Variants in RPN2 observed in about 807,000 individuals in gnomAD.
The protein encoded by RPN2 is ribophorin II.
A neutral mutation model predicts 71.4 loss-of-function variants in RPN2; 29 were observed. The ratio of observed to expected loss-of-function variants is 0.41; its 90% confidence interval spans 0.30 to 0.55. RPN2 has a LOEUF of 0.55. Among genes scored for constraint, RPN2 ranks in the 20% least tolerant of loss-of-function variants. RPN2 has a pLI of 0.35. For missense variants in RPN2, 726 were observed against 774.1 expected (o/e 0.94, Z 0.74); for synonymous variants, 308 against 305.0 (o/e 1.01, Z -0.10).
At chr20:37,206,079 G>A (rs2067503983) in intron 6 of RPN2, among the ~76,000 whole-genome samples, 1 of 152,138 alleles carries the variant, frequency 6.6e-6, no homozygotes, top group South Asian at 2.1e-4. Context: ...GAATAACACT[G>A]TCAGGAACAA....
chr20:37,209,994 T>C, intron 7 of RPN2, 53 bp from the exon 8 acceptor site: 1 of 1,605,646 alleles, frequency 6.2e-7, no homozygotes, highest in Non-Finnish European at 8.5e-7. Context: ...AGAAACAAAA[T>C]TCTCTGCTCC....
intron 15 of RPN2, 28 bp downstream of exon 15, chr20:37,234,123 G>A (rs1569000530): frequency 1.9e-6 from 3 of 1,610,954 alleles, no homozygotes; most frequent in South Asian, 2.2e-5. Context: ...CTAATTACCT[G>A]TAACGTCCTC....
At chr20:37,194,553 C>T (rs760428944) in intron 2 of RPN2, among the ~76,000 whole-genome samples, 4 of 152,248 alleles carry the variant, frequency 2.6e-5, no homozygotes, top group Non-Finnish European at 4.4e-5. Context: ...TGAGCCATCA[C>T]GCCCAGCCAG....
intron 11 of RPN2, among the ~76,000 whole-genome samples, chr20:37,227,820 T>C (rs2068117226): frequency 1.3e-5 from 2 of 152,244 alleles, no homozygotes; most frequent in Admixed American, 6.5e-5. Flanking sequence ...GTGATTAGAC[T>C]CAGTACCATC....
chr20:37,235,494 C>T (rs530683568), intron 15 of RPN2, among the ~76,000 whole-genome samples: 1 of 152,130 alleles, frequency 6.6e-6, no homozygotes, highest in Admixed American at 6.5e-5. Context: ...GGCCCCAGGG[C>T]TCTCCGTTCC....
chr20:37,186,860 C>T (rs1038265130), intron 2 of RPN2, among the ~76,000 whole-genome samples: 1 of 152,102 alleles, frequency 6.6e-6, no homozygotes, highest in Admixed American at 6.5e-5. Context: ...CACATTCTGC[C>T]TTTGATTAAT....
Position 37,184,161 on chromosome 20 carries a change from A to G in RPN2, c.14-19A>G. Reference sequence around the variant, plus strand: ...CTTGGAAGAGTGTAGAGTGTACTGAATGGTTGTTTCCCCCCAAGGTTCAAG... The same window carrying G: ...CTTGGAAGAGTGTAGAGTGTACTGAGTGGTTGTTTCCCCCCAAGGTTCAAG... On this transcript the variant is annotated intron_variant, in intron 1 of 16. Transcript: ENST00000237530. The G allele has an allele frequency of 1.2e-6, 2 of 1,613,990 alleles. No homozygotes were observed. The highest frequency in any genetic ancestry group is 2.2e-5 in the East Asian group (1 of 44,862).
intron 13 of RPN2, 26 bp downstream of exon 13, chr20:37,230,085 A>C (rs1304187184): frequency 5.1e-6 from 8 of 1,560,570 alleles, no homozygotes; most frequent in African/African-American, 2.7e-5. Context: ...CCTATCCACT[A>C]AACGTGGGAG....
chr20:37,210,697 A>G (rs1271302150), intron 8 of RPN2, among the ~76,000 whole-genome samples: 1 of 151,662 alleles, frequency 6.6e-6, no homozygotes, highest in Non-Finnish European at 1.5e-5. Flanking sequence ...CGTCCGGCTA[A>G]TTTTTTGTAT....
intron 2 of RPN2, among the ~76,000 whole-genome samples, chr20:37,185,463 T>G: frequency 6.6e-6 from 1 of 152,060 alleles, no homozygotes; most frequent in East Asian, 1.9e-4. Flanking sequence ...AATTTACATT[T>G]TATTCATTAT....
intron 2 of RPN2, among the ~76,000 whole-genome samples, chr20:37,194,677 T>C (rs2067216436): frequency 1.3e-5 from 2 of 152,252 alleles, no homozygotes; most frequent in South Asian, 4.1e-4. Context: ...GCCTGGAGGC[T>C]TCCAAGTGCT....
intron 12 of RPN2, among the ~76,000 whole-genome samples, chr20:37,229,339 C>T (rs567163300): frequency 2.0e-5 from 3 of 152,230 alleles, no homozygotes; most frequent in South Asian, 2.1e-4. Flanking sequence ...TTTATCAGAT[C>T]TGGGGCTGTG....
rs772202828 is a variant in RPN2 at position 37,198,501 on chromosome 20, G to A, written c.303+9G>A. The A allele has an allele frequency of 2.2e-5, 36 of 1,613,974 alleles. No homozygotes were observed. Among genetic ancestry groups the A allele is most frequent in the Admixed American group, 6.7e-5 (4 of 59,946 alleles). ...CCCTCTCAGGATGTGAGGTGAGTCCGGGTTCCTACGCTGACAATGACTTTA... is the reference window on the plus strand; with the variant it reads ...CCCTCTCAGGATGTGAGGTGAGTCCAGGTTCCTACGCTGACAATGACTTTA... On this transcript the variant is annotated intron_variant, in intron 3 of 16. Transcript: ENST00000237530.
intron 2 of RPN2, among the ~76,000 whole-genome samples, chr20:37,193,977 G>A (rs2067201660): frequency 6.6e-6 from 1 of 152,154 alleles, no homozygotes; most frequent in Admixed American, 6.6e-5. Flanking sequence ...AACTGAGGGA[G>A]GAGCTGCCAG....
At position 37,241,513 on chromosome 20, in the gene RPN2, C is replaced by A; in HGVS notation, c.*198C>A. On this transcript the variant is annotated 3_prime_UTR_variant, in exon 17 of 17. Transcript: ENST00000237530. ...CCTGGTGAGCTCAGATAGTCTCTTT[C>A]TCTGACACTGTGTAAGAAGCTGTGA... 1 of 650,218 alleles carries A rather than the reference C, an allele frequency of 1.5e-6. No individual in the cohort carries two copies. Among genetic ancestry groups the A allele is most frequent in the Non-Finnish European group, 2.7e-6 (1 of 366,346 alleles). The allele number at this position is 650,218 out of a possible 1,614,324, so 40.3% of individuals were successfully genotyped here. A position where few individuals can be genotyped will look rare whatever the true frequency, so the allele number is the denominator to read the frequency against.
chr20:37,204,740 C>T (rs1307143271), intron 5 of RPN2, 27 bp from the exon 6 acceptor site: 1 of 1,614,006 alleles, frequency 6.2e-7, no homozygotes, highest in Admixed American at 1.7e-5. Context: ...ACTTGACATC[C>T]AGCATATTTC....
chr20:37,228,895 A>G (rs1376397798), intron 12 of RPN2, 151 bp downstream of exon 12: 1 of 723,888 alleles, frequency 1.4e-6, no homozygotes, highest in East Asian at 2.7e-5. Flanking sequence ...TGCAGTCTCC[A>G]TAAATAGTCC....
intron 9 of RPN2, among the ~76,000 whole-genome samples, chr20:37,220,500 G>C (rs1456527144): frequency 2.0e-5 from 3 of 152,056 alleles, no homozygotes; most frequent in Non-Finnish European, 4.4e-5. Context: ...AGCTAAACAG[G>C]GGTGTTATTA....
chr20:37,240,841 G>A (rs1490320929), intron 16 of RPN2, among the ~76,000 whole-genome samples: 1 of 152,248 alleles, frequency 6.6e-6, no homozygotes, highest in African/African-American at 2.4e-5. Context: ...GCAGGTTTCT[G>A]TAATGAATGG....
Sources: allele counts gnomAD v4.1 joint callset (sites outside exome capture counted in the v4.1 genomes callset), GRCh38; gene constraint gnomAD v4.1.1; transcripts MANE v1.5; gene names NCBI Gene and HGNC (gene_info 2026-07-23, HGNC 2026-07-21).